The following CALN1 variants were observed in gnomAD, a reference collection of about 807,000 sequenced individuals.
The protein encoded by CALN1 is calcium-binding protein 8.
Under a neutral mutation model 30.6 loss-of-function variants are expected in CALN1, and 17 were observed. The observed-to-expected ratio is 0.56, with a 90% CI of 0.38 to 0.83. CALN1 has a LOEUF of 0.83. Ranked by LOEUF, CALN1 falls within the 40% of genes least tolerant of loss-of-function variation. The probability of loss-of-function intolerance (pLI) is 0.00; values close to 1 mark genes in which losing one functional copy is unlikely to be tolerated. For missense variants in CALN1, 291 were observed against 354.9 expected (o/e 0.82, Z 1.45); for synonymous variants, 156 against 131.4 (o/e 1.19, Z -1.28).
chr7:71,966,723 G>A (rs1797546468), intron 5 of CALN1, among the ~76,000 whole-genome samples: 1 of 152,158 alleles, frequency 6.6e-6, no homozygotes, highest in African/African-American at 2.4e-5. Context: ...GGTATTTACA[G>A]CAATACAAGA....
chr7:72,269,417 T>C (rs187477903), intron 3 of CALN1, among the ~76,000 whole-genome samples: 9 of 152,166 alleles, frequency 5.9e-5, no homozygotes, highest in Non-Finnish European at 1.3e-4. Flanking sequence ...ATCCATGTGT[T>C]CTCATTGTTC....
chr7:72,292,499 T>A (rs1798554790), intron 2 of CALN1, among the ~76,000 whole-genome samples: 1 of 150,004 alleles, frequency 6.7e-6, no homozygotes, highest in African/African-American at 2.5e-5. Context: ...AGGCCATATC[T>A]GCTAATACCA....
At chr7:71,910,088 G>A (rs934198103) in intron 5 of CALN1, among the ~76,000 whole-genome samples, 13 of 152,168 alleles carry the variant, frequency 8.5e-5, no homozygotes, top group African/African-American at 2.9e-4. Flanking sequence ...CACAATAACA[G>A]TATGAGTCAG....
At chr7:72,202,386 C>A (rs1251824827) in intron 3 of CALN1, among the ~76,000 whole-genome samples, 2 of 151,858 alleles carry the variant, frequency 1.3e-5, no homozygotes, top group Admixed American at 1.3e-4. Context: ...AAACAACAAA[C>A]TAATGAAAAA....
intron 6 of CALN1, among the ~76,000 whole-genome samples, chr7:71,798,079 CAGAGAGAGACAGAGAGAGAGACAGAG>C (rs1202895435): frequency 1.1e-5 from 1 of 93,758 alleles, no homozygotes; most frequent in East Asian, 3.9e-4. Context: ...GAGAGAGAGA[CAGAGAGAGACAGAGAGAGAGACAGAG>C]AGAGACAGAG....
At chr7:72,344,593 A>G (rs1204084603) in intron 2 of CALN1, among the ~76,000 whole-genome samples, 1 of 147,298 alleles carries the variant, frequency 6.8e-6, no homozygotes, top group African/African-American at 2.5e-5. Context: ...ATTTATATGT[A>G]AATATATATT....
At chr7:72,330,556 T>C (rs1316611362) in intron 2 of CALN1, among the ~76,000 whole-genome samples, 3 of 151,994 alleles carry the variant, frequency 2.0e-5, no homozygotes, top group African/African-American at 7.3e-5. Flanking sequence ...TATCCTCCAA[T>C]TTTATTTCCA....
intron 3 of CALN1, among the ~76,000 whole-genome samples, chr7:72,143,987 G>A (rs1810156118): frequency 1.3e-5 from 2 of 152,214 alleles, no homozygotes; most frequent in South Asian, 4.1e-4. Context: ...ACTAAACATG[G>A]AAAGGAACAA....
In CALN1 at chr7:71,779,680, TAA is replaced by T. The variant is rs1562764674; in HGVS notation, c.*8093_*8094del. On this transcript the variant is annotated 3_prime_UTR_variant, in exon 7 of 7. Transcript: ENST00000395275. The stretch of plus-strand genomic sequence containing the variant: ...TTCATTTGATCGGTAAGTTGCATGC[TAA>T]GTTAATTTATATTAATATGTACATT... 2 of 152,194 alleles carry T rather than the reference TAA, an allele frequency of 1.3e-5. No individual in the cohort carries two copies. The highest frequency in any genetic ancestry group is 2.4e-5 in the African/African-American group (1 of 41,442). 9.4% of individuals were successfully genotyped at this position (152,194 alleles called of 1,614,324 possible). A position where few individuals can be genotyped will look rare whatever the true frequency, so the allele number is the denominator to read the frequency against.
intron 3 of CALN1, among the ~76,000 whole-genome samples, chr7:72,228,387 G>T (rs531440609): frequency 6.6e-6 from 1 of 151,720 alleles, no homozygotes; most frequent in African/African-American, 2.4e-5. Context: ...GCTCCTCACC[G>T]GGTTTCTCTG....
At chr7:72,211,282 A>G (rs1451396382) in intron 3 of CALN1, among the ~76,000 whole-genome samples, 1 of 151,916 alleles carries the variant, frequency 6.6e-6, no homozygotes, top group Non-Finnish European at 1.5e-5. Flanking sequence ...AGTTCCTCAA[A>G]CCCATTACTC....
chr7:72,218,434 C>A (rs184962129), intron 3 of CALN1, among the ~76,000 whole-genome samples: 2 of 151,966 alleles, frequency 1.3e-5, no homozygotes, highest in East Asian at 3.9e-4. Context: ...GGCAACAGAG[C>A]GAGACTCCAT....
chr7:72,270,698 T>A (rs1796918498), intron 3 of CALN1, among the ~76,000 whole-genome samples: 1 of 152,138 alleles, frequency 6.6e-6, no homozygotes, highest in Non-Finnish European at 1.5e-5. Context: ...TCGCTTGAGA[T>A]CAGGAGGTCA....
chr7:71,871,775 T>C lies in CALN1; in HGVS notation c.502-61283A>G, dbSNP rs114101169. On this transcript the variant is annotated intron_variant, in intron 5 of 6. Coordinates refer to ENST00000395275, the MANE Select transcript of CALN1 (RefSeq NM_031468.4). The stretch of plus-strand genomic sequence containing the variant: ...TCCCATCACTCACTCTCCACTCTTA[T>C]GTTTTTTTTCAAATATCACCTTTTC... 7.4e-3 allele frequency among the ~76,000 whole-genome samples: 1,120 copies of C among 152,258 alleles called. 14 individuals carry two copies. The highest frequency in any genetic ancestry group is 0.025 in the African/African-American group (1,047 of 41,544).
intron 5 of CALN1, among the ~76,000 whole-genome samples, chr7:71,974,855 G>A (rs1584654286): frequency 1.3e-5 from 2 of 152,254 alleles, no homozygotes; most frequent in East Asian, 1.9e-4. Flanking sequence ...AATTCCGCTC[G>A]GATTAGCAAT....
At chr7:72,090,794 A>T (rs1423129008) in intron 4 of CALN1, among the ~76,000 whole-genome samples, 1 of 152,198 alleles carries the variant, frequency 6.6e-6, no homozygotes, top group Non-Finnish European at 1.5e-5. Context: ...GAACTGGAAG[A>T]CACTATGTTA....
chr7:72,418,531 A>G (rs757872130), intron 1 of CALN1, among the ~76,000 whole-genome samples: 14 of 152,186 alleles, frequency 9.2e-5, no homozygotes, highest in Non-Finnish European at 1.5e-4. Context: ...GGGCTCTGGA[A>G]GACAGTAGTC....
chr7:72,330,160 G>A (rs1801565703), intron 2 of CALN1, among the ~76,000 whole-genome samples: 2 of 151,868 alleles, frequency 1.3e-5, no homozygotes, highest in Admixed American at 1.3e-4. Context: ...GGGCGTGGTG[G>A]CGGGCGCCTG....
At chr7:72,074,419 T>G (rs1306945287) in intron 4 of CALN1, among the ~76,000 whole-genome samples, 1 of 152,164 alleles carries the variant, frequency 6.6e-6, no homozygotes, top group African/African-American at 2.4e-5. Context: ...ATATACCTTG[T>G]TTTTTTGAGA....
Sources: allele counts gnomAD v4.1 joint callset (sites outside exome capture counted in the v4.1 genomes callset), GRCh38; gene constraint gnomAD v4.1.1; transcripts MANE v1.5; gene names NCBI Gene and HGNC (gene_info 2026-07-23, HGNC 2026-07-21).